PDE4D: variants seen among roughly 807,000 people sequenced by gnomAD.
PDE4D encodes 3',5'-cyclic-AMP phosphodiesterase 4D.
Under a neutral mutation model 87.4 loss-of-function variants are expected in PDE4D, and 24 were observed. That is an observed-to-expected ratio of 0.27 (90% CI 0.20 to 0.39). The LOEUF (loss-of-function observed/expected upper bound fraction) is 0.39. Ranked by LOEUF, PDE4D falls within the 10% of genes least tolerant of loss-of-function variation. PDE4D has a pLI of 1.00. For missense variants in PDE4D, 714 were observed against 1,041.0 expected (o/e 0.69, Z 4.32); for synonymous variants, 384 against 383.2 (o/e 1.00, Z -0.02).
chr5:59,946,498 G>A (rs1233117134), intron 3 of PDE4D, among the ~76,000 whole-genome samples: 2 of 152,180 alleles, frequency 1.3e-5, no homozygotes, highest in African/African-American at 4.8e-5. Flanking sequence ...TCTTTCACAA[G>A]TCGGAGTGCT....
intron 3 of PDE4D, among the ~76,000 whole-genome samples, chr5:59,187,961 A>T (rs928332800): frequency 1.1e-4 from 16 of 152,140 alleles, no homozygotes; most frequent in African/African-American, 3.6e-4. Flanking sequence ...CACTGTTATC[A>T]CTGTGTTAGT....
At chr5:59,130,495 C>T (rs973554386) in intron 5 of PDE4D, among the ~76,000 whole-genome samples, 1 of 152,160 alleles carries the variant, frequency 6.6e-6, no homozygotes, top group East Asian at 1.9e-4. Context: ...ATGCTTTCTC[C>T]TTTGCAGGAA....
At chr5:60,072,975 G>A (rs1772886832) in intron 2 of PDE4D, among the ~76,000 whole-genome samples, 1 of 151,826 alleles carries the variant, frequency 6.6e-6, no homozygotes, top group Non-Finnish European at 1.5e-5. Context: ...GTATTGCCTT[G>A]GCTGTTTGGT....
intron 2 of PDE4D, among the ~76,000 whole-genome samples, chr5:60,129,620 AAAC>A (rs1194609348): frequency 6.6e-6 from 1 of 152,144 alleles, no homozygotes; most frequent in African/African-American, 2.4e-5. Flanking sequence ...GTCACTCTCA[AAAC>A]AACAACAAAA....
chr5:60,324,223 A>T lies in PDE4D; in HGVS notation c.-89-138536T>A, dbSNP rs141890943. Among the ~76,000 whole-genome samples, 913 of 152,254 alleles carry T rather than the reference A, an allele frequency of 6.0e-3. 7 individuals carry two copies. The highest frequency in any genetic ancestry group is 0.048 in the Middle Eastern group (14 of 294). ...ACTATTTACTATTTTGTTCTCAGGG[A>T]TGTGCTGTCTCTAAAATAGTCTGAA... On this transcript the variant is annotated intron_variant, in intron 1 of 16. Coordinates refer to the PDE4D transcript ENST00000502484.
chr5:58,977,182 G>A lies in PDE4D; in HGVS notation c.1707+9C>T. 1 of 1,602,204 alleles carries A rather than the reference G, an allele frequency of 6.2e-7. No individual in the cohort carries two copies. Among genetic ancestry groups the A allele is most frequent in the Non-Finnish European group, 8.5e-7 (1 of 1,176,332 alleles). ...CAGTTCTCTTCTTTGGCTTTTATCA[G>A]CTACTTACGATGTCAATGACCATTT... On this transcript the variant is annotated intron_variant, in intron 12 of 14. Coordinates refer to ENST00000340635, the MANE Select transcript of PDE4D (RefSeq NM_001104631.2).
At chr5:60,423,779 A>G (rs1442051340) in intron 1 of PDE4D, among the ~76,000 whole-genome samples, 1 of 152,184 alleles carries the variant, frequency 6.6e-6, no homozygotes, top group Non-Finnish European at 1.5e-5. Context: ...GAAAAGATCA[A>G]AAAAATAGAC....
intron 1 of PDE4D, among the ~76,000 whole-genome samples, chr5:59,220,683 T>G (rs1276059254): frequency 6.6e-6 from 1 of 152,060 alleles, no homozygotes; most frequent in Non-Finnish European, 1.5e-5. Context: ...CTAGTTATCT[T>G]TGAAACATAA....
chr5:60,173,717 T>C (rs985145341), intron 2 of PDE4D, among the ~76,000 whole-genome samples: 1 of 152,122 alleles, frequency 6.6e-6, no homozygotes, highest in East Asian at 1.9e-4. Flanking sequence ...AAACAGCTAA[T>C]GGAGCAACAG....
intron 1 of PDE4D, among the ~76,000 whole-genome samples, chr5:60,475,851 C>CCACCCGCAT (rs1748274962): frequency 7.4e-6 from 1 of 135,792 alleles, no homozygotes; most frequent in South Asian, 2.6e-4. Context: ...AAGACAATTA[C>CCACCCGCAT]CACCCGCATC....
At chr5:60,362,166 G>A (rs1760130089) in intron 1 of PDE4D, among the ~76,000 whole-genome samples, 1 of 152,184 alleles carries the variant, frequency 6.6e-6, no homozygotes, top group Admixed American at 6.5e-5. Flanking sequence ...TATACTGAGA[G>A]CTCTGCTCAA....
At chr5:60,104,388 T>A (rs1776613958) in intron 2 of PDE4D, among the ~76,000 whole-genome samples, 1 of 152,106 alleles carries the variant, frequency 6.6e-6, no homozygotes, top group Non-Finnish European at 1.5e-5. Context: ...CCACCACAGC[T>A]CAAGGAGGCC....
chr5:60,004,212 A>G (rs1210104569), intron 2 of PDE4D, among the ~76,000 whole-genome samples: 1 of 152,172 alleles, frequency 6.6e-6, no homozygotes, highest in Non-Finnish European at 1.5e-5. Flanking sequence ...AACAATCAGC[A>G]AAATGAAATA....
At chr5:59,923,806 A>T (rs1049803455) in intron 3 of PDE4D, among the ~76,000 whole-genome samples, 4 of 152,168 alleles carry the variant, frequency 2.6e-5, no homozygotes, top group Non-Finnish European at 5.9e-5. Flanking sequence ...TAAATACTTA[A>T]CTCTTCAACG....
At chr5:59,838,719 G>A (rs912146930) in intron 1 of PDE4D, among the ~76,000 whole-genome samples, 14 of 152,152 alleles carry the variant, frequency 9.2e-5, no homozygotes, top group African/African-American at 3.4e-4. Flanking sequence ...CCTATAGAAT[G>A]CTTTTCACCT....
chr5:59,513,710 T>C (rs980923943), intron 1 of PDE4D, among the ~76,000 whole-genome samples: 1 of 151,780 alleles, frequency 6.6e-6, no homozygotes, highest in African/African-American at 2.4e-5. Context: ...TGCTAAAGAG[T>C]AAGTAAGAAT....
chr5:60,215,979 A>G (rs1417262493), intron 1 of PDE4D, among the ~76,000 whole-genome samples: 2 of 152,134 alleles, frequency 1.3e-5, no homozygotes, highest in Non-Finnish European at 2.9e-5. Flanking sequence ...TAGCCATAAG[A>G]ATTTTATACT....
intron 1 of PDE4D, among the ~76,000 whole-genome samples, chr5:59,583,033 C>A (rs1160081123): frequency 6.6e-6 from 1 of 152,128 alleles, no homozygotes; most frequent in Non-Finnish European, 1.5e-5. Context: ...GTCCTTTTAG[C>A]CATGTGAATC....
intron 1 of PDE4D, among the ~76,000 whole-genome samples, chr5:59,545,570 T>C (rs759802333): frequency 2.0e-5 from 3 of 152,160 alleles, no homozygotes; most frequent in Non-Finnish European, 4.4e-5. Flanking sequence ...AAAAAAGAGT[T>C]TGTATTAAAT....
Sources: gnomAD v4.1 joint callset for allele counts (sites outside exome capture counted in the v4.1 genomes callset) on GRCh38, gnomAD v4.1.1 for gene constraint, MANE v1.5 for transcripts, NCBI Gene and HGNC (gene_info 2026-07-23, HGNC 2026-07-21) for gene names.